CCDC144A: variants seen among roughly 807,000 people sequenced by gnomAD.
CCDC144A encodes coiled-coil domain containing 144A.
Under a neutral mutation model 143.8 loss-of-function variants are expected in CCDC144A, and 41 were observed. That is an observed-to-expected ratio of 0.29 (90% CI 0.22 to 0.37). The LOEUF is 0.37. CCDC144A is among the 10% of genes least tolerant of loss of function. The probability of loss-of-function intolerance (pLI) is 1.00; values close to 1 mark genes in which losing one functional copy is unlikely to be tolerated. For missense variants in CCDC144A, 637 were observed against 1,488.8 expected (o/e 0.43, Z 9.41); for synonymous variants, 242 against 517.9 (o/e 0.47, Z 7.23).
At chr17:16,728,751 C>T (rs1248123780) in intron 9 of CCDC144A, among the ~76,000 whole-genome samples, 1 of 152,152 alleles carries the variant, frequency 6.6e-6, no homozygotes, top group African/African-American at 2.4e-5. Flanking sequence ...CACTCTCCCA[C>T]TTCTGATTCT....
At chr17:16,679,045 C>A in the CCDC144A span, among the ~76,000 whole-genome samples, 1 of 151,320 alleles carries the variant, frequency 6.6e-6, no homozygotes, top group African/African-American at 2.4e-5. Context: ...TGAGCCACTG[C>A]GCCCTGCATT....
chr17:16,746,211 A>G (rs1914497078), intron 12 of CCDC144A: 1 of 1,450,652 alleles, frequency 6.9e-7, no homozygotes, highest in African/African-American at 1.5e-5. Flanking sequence ...TGGTTTCTTA[A>G]GAAGCTTAAT....
At chr17:16,742,690 T>G (rs1470875031) in intron 12 of CCDC144A, among the ~76,000 whole-genome samples, 1 of 152,208 alleles carries the variant, frequency 6.6e-6, no homozygotes, top group Non-Finnish European at 1.5e-5. Context: ...TCTTTTTCTC[T>G]CCAACCTCGC....
At chr17:16,687,588 C>T (rs1372504167), upstream of CCDC144A, among the ~76,000 whole-genome samples, 1 of 152,164 alleles carries the variant, frequency 6.6e-6, no homozygotes. Context: ...CTGCTGCCCA[C>T]GAACATTACG....
chr17:16,756,001 G>A (rs1416546827), intron 12 of CCDC144A, among the ~76,000 whole-genome samples: 1 of 152,150 alleles, frequency 6.6e-6, no homozygotes, highest in African/African-American at 2.4e-5. Flanking sequence ...TATTTGATAT[G>A]GATTCCCTTG....
intron 2 of CCDC144A, among the ~76,000 whole-genome samples, chr17:16,699,326 CCTG>C (rs1911587698): frequency 6.7e-6 from 1 of 148,858 alleles, no homozygotes; most frequent in South Asian, 2.2e-4. Flanking sequence ...AGTTAAAAGT[CCTG>C]TTGATCCTTA....
At chr17:16,727,834 G>C in intron 9 of CCDC144A, 94 bp downstream of exon 9, 1 of 1,254,866 alleles carries the variant, frequency 8.0e-7, no homozygotes, top group Non-Finnish European at 1.1e-6. Flanking sequence ...AATAATGGGG[G>C]AGAAACCTTT....
chr17:16,682,800 G>A, the CCDC144A span, among the ~76,000 whole-genome samples: 1 of 146,556 alleles, frequency 6.8e-6, no homozygotes, highest in East Asian at 2.0e-4. Flanking sequence ...TGTGCTTTGA[G>A]AAGAGCAATT....
upstream of CCDC144A, among the ~76,000 whole-genome samples, chr17:16,687,587 A>C (rs1168624691): frequency 1.3e-5 from 2 of 152,048 alleles, no homozygotes; most frequent in East Asian, 3.9e-4. Flanking sequence ...CCTGCTGCCC[A>C]CGAACATTAC....
At chr17:16,709,888 T>A (rs1388351369) in intron 5 of CCDC144A, among the ~76,000 whole-genome samples, 3 of 152,216 alleles carry the variant, frequency 2.0e-5, no homozygotes, top group Non-Finnish European at 4.4e-5. Flanking sequence ...TTTAGCCATA[T>A]ATCATGTGAC....
In CCDC144A at chr17:16,727,614, C is replaced by G; in HGVS notation, c.1979C>G (p.Thr660Arg). 7.6e-7 allele frequency: 1 copy of G among 1,313,658 alleles called. No individual in the cohort carries two copies. The highest frequency in any genetic ancestry group is 1.0e-6 in the Non-Finnish European group (1 of 960,830). 81.4% of individuals were successfully genotyped at this position (1,313,658 alleles called of 1,614,324 possible). ...AAGAATAATCACTGTGACCAACTTA[C>G]AGTAAAACTTAAACAAATGGAAAAT... ...KLKNNHCDQL[T>R]VKLKQMENMV... The change falls in exon 9 of 17, where the codon ACA (threonine) becomes AGA (arginine). Residue 660 changes from threonine to arginine, a missense_variant. By Grantham distance (71) the Thr-to-Arg change is moderately conservative (BLOSUM62 -1). Coordinates refer to ENST00000399273, the MANE Select transcript of CCDC144A (RefSeq NM_001382000.1).
chr17:16,676,404 G>C, the CCDC144A span, among the ~76,000 whole-genome samples: 2 of 151,620 alleles, frequency 1.3e-5, no homozygotes, highest in South Asian at 2.1e-4. Context: ...CCAGCTACTC[G>C]GGAGGCTGAG....
Position 16,777,781 on chromosome 17 carries a change from A to G in CCDC144A, c.*4148A>G, listed in dbSNP as rs933108538. On this transcript the variant is annotated 3_prime_UTR_variant, in exon 17 of 17. Transcript: ENST00000399273. ...AAGTCTGAAAGAGCACAAATAAACA[A>G]TCTAAGGTCACACCTCACAGAATTG... The G allele has an allele frequency of 7.1e-6, 1 of 141,318 alleles. No individual in the cohort carries two copies. The highest frequency in any genetic ancestry group is 2.9e-5 in the African/African-American group (1 of 34,660). 8.8% of individuals were successfully genotyped at this position (141,318 alleles called of 1,614,324 possible).
At chr17:16,723,010 G>C (rs1913184090) in intron 8 of CCDC144A, among the ~76,000 whole-genome samples, 1 of 152,034 alleles carries the variant, frequency 6.6e-6, no homozygotes, top group African/African-American at 2.4e-5. Context: ...GGTAATGCTA[G>C]AGTGACAGAA....
chr17:16,717,785 AT>A (rs1054399253), intron 6 of CCDC144A, among the ~76,000 whole-genome samples: 46 of 152,124 alleles, frequency 3.0e-4, no homozygotes, highest in Middle Eastern at 3.4e-3. Flanking sequence ...ATTTTACAAA[AT>A]TTTTTTTATT....
At chr17:16,745,777 CTT>C in intron 12 of CCDC144A, 2 of 1,612,530 alleles carry the variant, frequency 1.2e-6, no homozygotes, top group Non-Finnish European at 1.7e-6. Context: ...GCCAGTCGCT[CTT>C]TTCTGGGTGC....
intron 12 of CCDC144A, chr17:16,745,772 T>C (rs1305600917): frequency 9.9e-6 from 16 of 1,612,628 alleles, no homozygotes; most frequent in African/African-American, 1.3e-5. Flanking sequence ...TGTTTGCCAG[T>C]CGCTCTTTTC....
At chr17:16,725,002 A>ATTT (rs1167527388) in intron 8 of CCDC144A, among the ~76,000 whole-genome samples, 407 of 37,280 alleles carry the variant, frequency 0.011, 31 homozygotes, top group East Asian at 0.03. Flanking sequence ...ATAGCTGGTA[A>ATTT]TTTTTTTTTT....
chr17:16,700,005 T>TA (rs1221779826), intron 2 of CCDC144A, among the ~76,000 whole-genome samples: 2 of 152,088 alleles, frequency 1.3e-5, no homozygotes, highest in African/African-American at 2.4e-5. Flanking sequence ...ACTTAAACAA[T>TA]AAAAAATTGT....
Sources: gnomAD v4.1 joint callset for allele counts (sites outside exome capture counted in the v4.1 genomes callset) on GRCh38, gnomAD v4.1.1 for gene constraint, MANE v1.5 for transcripts, NCBI Gene and HGNC (gene_info 2026-07-23, HGNC 2026-07-21) for gene names.